Variants in LARP1B observed in about 807,000 individuals in gnomAD.
The protein encoded by LARP1B is La ribonucleoprotein 1B.
In LARP1B, 76 loss-of-function variants were observed where a neutral mutation model predicts 114.2. That is an observed-to-expected ratio of 0.67 (90% CI 0.55 to 0.81). The LOEUF is 0.81. LARP1B is among the 30% of genes least tolerant of loss of function. The pLI is 0.00. For synonymous variants in LARP1B, 345 were observed against 348.0 expected, an observed-to-expected ratio of 0.99 and a Z score of 0.10; for missense variants, 1,014 against 1,075.8, an observed-to-expected ratio of 0.94 and a Z score of 0.80.
chr4:128,105,067 T>TG lies in LARP1B; in HGVS notation c.814-2072_814-2071insG, dbSNP rs1170130225. Among the ~76,000 whole-genome samples the TG allele has an allele frequency of 5.2e-5, 5 of 95,790 alleles. No homozygotes were observed. The South Asian group carries it at 2.3e-3, about 45-fold the overall frequency. The allele number at this position is 95,790 out of a possible 152,430, so 62.8% of individuals were successfully genotyped here. A position where few individuals can be genotyped will look rare whatever the true frequency, so the allele number is the denominator to read the frequency against. On this transcript the variant is annotated intron_variant, in intron 8 of 19. Coordinates refer to ENST00000326639, the MANE Select transcript of LARP1B (RefSeq NM_018078.4). ...AAACATATGGGAAAGTTTCAAGGAGTTTTTTTTTTGTTTTTTTTTTACATT... is the reference window on the plus strand; with the variant it reads ...AAACATATGGGAAAGTTTCAAGGAGTGTTTTTTTTTGTTTTTTTTTTACATT...
intron 10 of LARP1B, among the ~76,000 whole-genome samples, 180 bp downstream of exon 10, chr4:128,114,922 C>T: frequency 6.6e-6 from 1 of 152,156 alleles, no homozygotes; most frequent in East Asian, 1.9e-4. Flanking sequence ...TAAGTTGTAT[C>T]AATTTTTAAA....
chr4:128,110,561 C>T (rs1363603818), intron 9 of LARP1B, among the ~76,000 whole-genome samples: 1 of 145,834 alleles, frequency 6.9e-6, no homozygotes, highest in Non-Finnish European at 1.5e-5. Context: ...CCTGTAGTCC[C>T]AGCTACTTGG....
At chr4:128,129,206 TC>T (rs1790721158) in intron 11 of LARP1B, among the ~76,000 whole-genome samples, 1 of 104,138 alleles carries the variant, frequency 9.6e-6, no homozygotes, top group Non-Finnish European at 1.9e-5. Flanking sequence ...AAAAAAAAAT[TC>T]AGCCGTGCGT....
At chr4:128,119,261 T>G (rs1787093977) in intron 10 of LARP1B, among the ~76,000 whole-genome samples, 1 of 152,216 alleles carries the variant, frequency 6.6e-6, no homozygotes, top group Admixed American at 6.5e-5. Context: ...CTGGCTCTTT[T>G]TCTCCAAAAT....
intron 17 of LARP1B, among the ~76,000 whole-genome samples, chr4:128,202,715 C>CT (rs1756361492): frequency 6.6e-6 from 1 of 152,038 alleles, no homozygotes. Context: ...TTTCTAATAC[C>CT]TTTGTAACAC....
intron 7 of LARP1B, 148 bp downstream of exon 7, chr4:128,091,660 G>A (rs913049585): frequency 2.7e-5 from 15 of 553,546 alleles, no homozygotes; most frequent in African/African-American, 2.0e-4. Context: ...GTAGTGGTAC[G>A]ATCTTGGCTC....
At chr4:128,158,522 A>G (rs1425562850) in intron 11 of LARP1B, among the ~76,000 whole-genome samples, 1 of 152,192 alleles carries the variant, frequency 6.6e-6, no homozygotes, top group African/African-American at 2.4e-5. Flanking sequence ...AAGTGTCAAA[A>G]AGTATTTACA....
In LARP1B at chr4:128,130,739, C is replaced by T. The variant is rs72922382; in HGVS notation, c.1524+8551C>T. 4.9e-3 allele frequency among the ~76,000 whole-genome samples: 743 copies of T among 152,330 alleles called. 3 individuals are homozygous for T. Among genetic ancestry groups the T allele is most frequent in the African/African-American group, 0.017 (702 of 41,580 alleles). On this transcript the variant is annotated intron_variant, in intron 11 of 19. Transcript: ENST00000326639. Reference sequence around the variant, plus strand: ...ATAACCTGAACGTGGATGTTTATAGCAGCTTATCCATAAATTGTCAAAACT... The same window carrying T: ...ATAACCTGAACGTGGATGTTTATAGTAGCTTATCCATAAATTGTCAAAACT...
intron 10 of LARP1B, among the ~76,000 whole-genome samples, chr4:128,116,808 T>G (rs1416094206): frequency 6.6e-6 from 1 of 152,198 alleles, no homozygotes; most frequent in Non-Finnish European, 1.5e-5. Context: ...GGGCATCATT[T>G]TTCTTTGGAA....
chr4:128,108,670 TTTG>T, intron 9 of LARP1B: 3 of 984,174 alleles, frequency 3.0e-6, no homozygotes. Flanking sequence ...TAATTTATTT[TTTG>T]TTAAGATATA....
chr4:128,065,259 TTC>T lies in LARP1B; in HGVS notation c.-78+3860_-78+3861del, dbSNP rs1250461775. Among the ~76,000 whole-genome samples the T allele has an allele frequency of 1.2e-4, 8 of 68,530 alleles. 1 individual carries two copies. Among genetic ancestry groups the T allele is most frequent in the African/African-American group, 2.9e-4 (6 of 20,988 alleles). The allele number at this position is 68,530 out of a possible 152,430, so 45.0% of individuals were successfully genotyped here. The stretch of plus-strand genomic sequence containing the variant: ...CACTGTTCTCCCACAATTAATTTCT[TTC>T]TTTCTTTCTTTCTTTCTTTCTTTCT... On this transcript the variant is annotated intron_variant, in intron 1 of 19. Coordinates refer to ENST00000326639, the MANE Select transcript of LARP1B (RefSeq NM_018078.4).
At chr4:128,105,769 G>A (rs1781858476) in intron 8 of LARP1B, among the ~76,000 whole-genome samples, 1 of 152,098 alleles carries the variant, frequency 6.6e-6, no homozygotes, top group South Asian at 2.1e-4. Flanking sequence ...GTGGGTGCCT[G>A]TAATCCCAGC....
intron 5 of LARP1B, among the ~76,000 whole-genome samples, chr4:128,084,397 C>T (rs1234320101): frequency 4.6e-5 from 7 of 152,264 alleles, no homozygotes; most frequent in African/African-American, 9.6e-5. Context: ...CCGAGGCTGG[C>T]GGATCACTCG....
intron 19 of LARP1B, among the ~76,000 whole-genome samples, chr4:128,208,743 T>G (rs1486814643): frequency 3.9e-5 from 6 of 152,240 alleles, no homozygotes; most frequent in Admixed American, 3.9e-4. Flanking sequence ...AAGCTGACTT[T>G]TTTTGAATGC....
At position 128,160,135 on chromosome 4, in the gene LARP1B, C is replaced by A. The variant is rs542794840; in HGVS notation, c.1525-2059C>A. Among the ~76,000 whole-genome samples the A allele has an allele frequency of 2.6e-5, 4 of 152,244 alleles. No homozygotes were observed. In the Middle Eastern group the frequency reaches 0.014, roughly 518 times the overall value. On this transcript the variant is annotated intron_variant, in intron 11 of 19. Transcript: ENST00000326639. ...GTTGTAGCAATGAAGTAGTCATAGG[C>A]AATATGTAAACAAATGAGTGTGGTT...
chr4:128,144,113 C>G (rs191651972), intron 11 of LARP1B, among the ~76,000 whole-genome samples: 4 of 152,148 alleles, frequency 2.6e-5, no homozygotes, highest in Non-Finnish European at 5.9e-5. Flanking sequence ...AGCATCCCCC[C>G]ACCCCAATCC....
chr4:128,118,057 AG>A (rs1786522391), intron 10 of LARP1B, among the ~76,000 whole-genome samples: 2 of 146,458 alleles, frequency 1.4e-5, no homozygotes, highest in Non-Finnish European at 3.0e-5. Context: ...CTGGGACTAC[AG>A]GCACAAACCA....
intron 11 of LARP1B, chr4:128,123,547 C>A: frequency 4.6e-6 from 2 of 433,520 alleles, no homozygotes; most frequent in Non-Finnish European, 6.1e-6. Context: ...TACTTTTATT[C>A]TCTTGGAGAA....
At chr4:128,086,009 C>CTTTTTTTTTTTTTTTTTTTTTTTTTT (rs143345158) in intron 5 of LARP1B, among the ~76,000 whole-genome samples, 1 of 91,272 alleles carries the variant, frequency 1.1e-5, no homozygotes, top group African/African-American at 4.2e-5. Flanking sequence ...TCATGGTATT[C>CTTTTTTTTTTTTTTTTTTTTTTTTTT]TTTTTTTTTT....
Sources: gnomAD v4.1 joint callset for allele counts (sites outside exome capture counted in the v4.1 genomes callset) on GRCh38, gnomAD v4.1.1 for gene constraint, MANE v1.5 for transcripts, NCBI Gene and HGNC (gene_info 2026-07-23, HGNC 2026-07-21) for gene names.